ZBTB10: variants seen among roughly 807,000 people sequenced by gnomAD.
The protein encoded by ZBTB10 is zinc finger and BTB domain-containing protein 10.
Under a neutral mutation model 76.4 loss-of-function variants are expected in ZBTB10, and 32 were observed. The ratio of observed to expected loss-of-function variants is 0.42; its 90% CI spans 0.32 to 0.56. The LOEUF (loss-of-function observed/expected upper bound fraction) is 0.56, where lower values mean the gene tolerates loss of function less well. Among genes scored for constraint, ZBTB10 ranks in the 20% least tolerant of loss-of-function variants. The probability of loss-of-function intolerance (pLI) is 0.14; values close to 1 mark genes in which losing one functional copy is unlikely to be tolerated. For synonymous variants in ZBTB10, 523 were observed against 432.9 expected (o/e 1.21, Z -2.58); for missense variants, 1,057 against 1,098.5 (o/e 0.96, Z 0.53).
intron 4 of ZBTB10, 24 bp downstream of exon 4, chr8:80,518,603 A>G (rs1354315312): frequency 6.5e-7 from 1 of 1,529,912 alleles, no homozygotes; most frequent in South Asian, 1.3e-5. Flanking sequence ...AACTAAACAA[A>G]TACAGAATTA....
intron 1 of ZBTB10, among the ~76,000 whole-genome samples, chr8:80,488,612 C>T (rs1350223086): frequency 6.6e-6 from 1 of 152,132 alleles, no homozygotes; most frequent in East Asian, 1.9e-4. Flanking sequence ...TACCAAACAC[C>T]GTGAAAGTGC....
At chr8:80,513,041 A>G (rs1051527617) in intron 2 of ZBTB10, among the ~76,000 whole-genome samples, 1 of 152,076 alleles carries the variant, frequency 6.6e-6, no homozygotes, top group Non-Finnish European at 1.5e-5. Flanking sequence ...TTTGTAACTC[A>G]TTAAATGTTA....
intron 2 of ZBTB10, 124 bp downstream of exon 2, chr8:80,500,506 A>G: frequency 9.9e-7 from 1 of 1,008,668 alleles, no homozygotes. Flanking sequence ...TTTACAAAAG[A>G]AGGGGGAACG....
Position 80,487,026 on chromosome 8 carries a change from G to A in ZBTB10, c.216G>A (p.Leu72=), listed in dbSNP as rs1038619556. The A allele has an allele frequency of 2.6e-6, 4 of 1,518,452 alleles. No homozygotes were observed. Among genetic ancestry groups the A allele is most frequent in the African/African-American group, 2.9e-5 (2 of 69,620 alleles). 94.1% of individuals were successfully genotyped at this position (1,518,452 alleles called of 1,614,324 possible). A position where few individuals can be genotyped will look rare whatever the true frequency, so the allele number is the denominator to read the frequency against. ...GADEEVELEG[L]EPQDLEASAG... The stretch of plus-strand genomic sequence containing the variant: ...ACGAGGAAGTGGAATTGGAGGGCCT[G>A]GAGCCCCAAGACCTGGAGGCCTCCG... The change falls in exon 1 of 6, where the codon CTG becomes CTA. Residue 72 remains leucine, a synonymous_variant. Coordinates refer to ENST00000455036, the MANE Select transcript of ZBTB10 (RefSeq NM_001105539.3).
intron 2 of ZBTB10, among the ~76,000 whole-genome samples, 161 bp from the exon 3 acceptor site, chr8:80,513,749 T>C (rs1816256937): frequency 6.6e-6 from 1 of 152,214 alleles, no homozygotes; most frequent in Non-Finnish European, 1.5e-5. Flanking sequence ...TCACTGTACA[T>C]GTCTTAGGCT....
chr8:80,487,557 C>A lies in ZBTB10; in HGVS notation c.747C>A (p.Ser249=). The A allele has an allele frequency of 4.4e-6, 7 of 1,606,994 alleles. No individual in the cohort carries two copies. The highest frequency in any genetic ancestry group is 5.9e-6 in the Non-Finnish European group (7 of 1,176,628). Residue 249 remains serine, a synonymous_variant, in exon 1 of 6, where the codon TCC becomes TCA. Transcript: ENST00000455036. The part of the protein sequence containing the change: ...PKSLMQKLQC[S]FQTSWLKDFP... ...CTCTAATGCAGAAGCTCCAATGCTCCTTCCAGACCTCCTGGCTCAAGGACT... is the reference window on the plus strand; with the variant it reads ...CTCTAATGCAGAAGCTCCAATGCTCATTCCAGACCTCCTGGCTCAAGGACT...
rs755466169 is a variant in ZBTB10, at chr8:80,487,114, G to T, written c.304G>T (p.Gly102Cys). The T allele has an allele frequency of 1.1e-5, 17 of 1,514,342 alleles. No individual in the cohort carries two copies. In the South Asian group the frequency reaches 1.5e-4, roughly 13 times the overall value. 93.8% of individuals were successfully genotyped at this position (1,514,342 alleles called of 1,614,324 possible). A position where few individuals can be genotyped will look rare whatever the true frequency, so the allele number is the denominator to read the frequency against. ...KELLLPQDAG[G>C]PTSLGGGAGG... ...GTTGCTGCTCCCCCAAGACGCGGGCGGCCCCACCTCGCTTGGCGGTGGCGC... is the reference window on the plus strand; with the variant it reads ...GTTGCTGCTCCCCCAAGACGCGGGCTGCCCCACCTCGCTTGGCGGTGGCGC... The change falls in exon 1 of 6, where the codon GGC becomes TGC. Residue 102 changes from glycine to cysteine, a missense_variant. Gly to Cys is a radical substitution (Grantham distance 159, BLOSUM62 -3). Coordinates refer to ENST00000455036, the MANE Select transcript of ZBTB10 (RefSeq NM_001105539.3).
intron 2 of ZBTB10, among the ~76,000 whole-genome samples, chr8:80,510,938 G>A (rs529683496): frequency 1.1e-4 from 17 of 152,220 alleles, no homozygotes; most frequent in African/African-American, 2.9e-4. Context: ...AAATTCATTC[G>A]TGTCAATTAA....
At chr8:80,493,256 A>C (rs1428124708) in intron 1 of ZBTB10, among the ~76,000 whole-genome samples, 1 of 147,856 alleles carries the variant, frequency 6.8e-6, no homozygotes, top group African/African-American at 2.5e-5. Flanking sequence ...GCCTGAGGAA[A>C]GTGAAGAATG....
chr8:80,506,547 G>C (rs1388480932), intron 2 of ZBTB10, among the ~76,000 whole-genome samples: 1 of 143,626 alleles, frequency 7.0e-6, no homozygotes, highest in African/African-American at 2.8e-5. Flanking sequence ...TTGAACTCCT[G>C]ACCTCAGGTG....
At chr8:80,493,311 A>T (rs1815692814) in intron 1 of ZBTB10, among the ~76,000 whole-genome samples, 1 of 152,026 alleles carries the variant, frequency 6.6e-6, no homozygotes, top group South Asian at 2.1e-4. Context: ...AGGATGAAAA[A>T]TCAAGTTTGA....
intron 2 of ZBTB10, among the ~76,000 whole-genome samples, chr8:80,500,730 T>C (rs1468274419): frequency 6.6e-6 from 1 of 152,202 alleles, no homozygotes; most frequent in Non-Finnish European, 1.5e-5. Flanking sequence ...GAATCTTTAG[T>C]TGTAATATAT....
chr8:80,519,006 G>C (rs1585864436), intron 5 of ZBTB10, 52 bp downstream of exon 5: 1 of 1,520,712 alleles, frequency 6.6e-7, no homozygotes, highest in Non-Finnish European at 8.9e-7. Context: ...ATTTATGTCA[G>C]TGAAGTTTAA....
intron 1 of ZBTB10, among the ~76,000 whole-genome samples, chr8:80,491,334 G>C (rs907553873): frequency 6.6e-6 from 1 of 152,178 alleles, no homozygotes; most frequent in Non-Finnish European, 1.5e-5. Flanking sequence ...ATATAGCCTA[G>C]GTGTGTAGTA....
At chr8:80,496,634 A>G (rs1047734334) in intron 1 of ZBTB10, among the ~76,000 whole-genome samples, 1 of 152,302 alleles carries the variant, frequency 6.6e-6, no homozygotes, top group African/African-American at 2.4e-5. Flanking sequence ...ATTTGGTATG[A>G]TAAAGGCAGA....
At chr8:80,490,691 A>G (rs368586715) in intron 1 of ZBTB10, among the ~76,000 whole-genome samples, 1 of 152,212 alleles carries the variant, frequency 6.6e-6, no homozygotes, top group Admixed American at 6.5e-5. Flanking sequence ...TCTTAAAAAC[A>G]TGGAAATGAG....
intron 1 of ZBTB10, among the ~76,000 whole-genome samples, chr8:80,493,545 G>A (rs1001248696): frequency 3.3e-5 from 5 of 151,826 alleles, no homozygotes; most frequent in Admixed American, 2.0e-4. Flanking sequence ...GGCCGGGCGC[G>A]GTGGCTCAGG....
chr8:80,509,130 A>G (rs1240791857), intron 2 of ZBTB10, among the ~76,000 whole-genome samples: 2 of 152,328 alleles, frequency 1.3e-5, no homozygotes, highest in Non-Finnish European at 2.9e-5. Flanking sequence ...GGTGGTTTAT[A>G]TAATACATTT....
At chr8:80,511,428 A>G (rs1816191433) in intron 2 of ZBTB10, among the ~76,000 whole-genome samples, 1 of 152,222 alleles carries the variant, frequency 6.6e-6, no homozygotes, top group South Asian at 2.1e-4. Flanking sequence ...GCATTTCAGA[A>G]TAATGACTTT....
Sources: gnomAD v4.1 joint callset for allele counts (sites outside exome capture counted in the v4.1 genomes callset) on GRCh38, gnomAD v4.1.1 for gene constraint, MANE v1.5 for transcripts, NCBI Gene and HGNC (gene_info 2026-07-23, HGNC 2026-07-21) for gene names.